MTRF1L: variants seen among roughly 807,000 people sequenced by gnomAD.
MTRF1L encodes the protein mitochondrial translation release factor 1 like, also known as peptide chain release factor 1-like, mitochondrial.
In MTRF1L, 29 loss-of-function variants were observed where a neutral mutation model predicts 40.0. That is an observed-to-expected ratio of 0.73 (90% CI 0.54 to 0.99). The LOEUF is 0.99. MTRF1L is among the 50% of genes least tolerant of loss of function. The pLI is 0.00. For missense variants in MTRF1L, 412 were observed against 464.5 expected (o/e 0.89, Z 1.04); for synonymous variants, 150 against 175.8 (o/e 0.85, Z 1.16).
intron 2 of MTRF1L, among the ~76,000 whole-genome samples, chr6:152,995,562 T>A (rs566117899): frequency 2.0e-5 from 3 of 152,164 alleles, no homozygotes; most frequent in Non-Finnish European, 4.4e-5. Flanking sequence ...CAGGCTTGTT[T>A]TATTGTCTGT....
At chr6:152,992,498 A>G (rs187806004) in intron 5 of MTRF1L, among the ~76,000 whole-genome samples, 21 of 152,258 alleles carry the variant, frequency 1.4e-4, no homozygotes, top group African/African-American at 5.1e-4. Flanking sequence ...TCCCCTGCAA[A>G]AAGGCTCAGA....
chr6:152,991,976 T>C (rs573799901), intron 5 of MTRF1L, among the ~76,000 whole-genome samples: 5 of 152,334 alleles, frequency 3.3e-5, no homozygotes, highest in Admixed American at 6.5e-5. Flanking sequence ...GAAACTACGA[T>C]ACATGAAAAA....
chr6:152,994,761 T>C (rs758867897), intron 3 of MTRF1L, 85 bp from the exon 4 acceptor site: 11 of 1,521,974 alleles, frequency 7.2e-6, no homozygotes, highest in Non-Finnish European at 1.0e-5. Flanking sequence ...TCTTGAGGTA[T>C]ATTTTTAAAG....
chr6:152,989,791 T>G lies in MTRF1L; in HGVS notation c.*104A>C. 2.3e-6 allele frequency: 3 copies of G among 1,328,868 alleles called. No individual in the cohort carries two copies. Among genetic ancestry groups the G allele is most frequent in the South Asian group, 1.6e-5 (1 of 64,370 alleles). 82.3% of individuals were successfully genotyped at this position (1,328,868 alleles called of 1,614,324 possible). On this transcript the variant is annotated 3_prime_UTR_variant, in exon 7 of 7. Coordinates refer to ENST00000367233, the MANE Select transcript of MTRF1L (RefSeq NM_019041.7). ...TCAGAATATGCATATTACCTCCAAC[T>G]GTGTTAACTCAACGTTTTTCAAGAG...
chr6:152,994,228 A>T (rs1778628860), intron 4 of MTRF1L, among the ~76,000 whole-genome samples: 1 of 152,244 alleles, frequency 6.6e-6, no homozygotes, highest in Non-Finnish European at 1.5e-5. Flanking sequence ...TATAAAGGCA[A>T]CCAGTCCATA....
chr6:152,994,750 A>G, intron 3 of MTRF1L, 74 bp from the exon 4 acceptor site: 2 of 1,539,680 alleles, frequency 1.3e-6, no homozygotes, highest in African/African-American at 2.7e-5. Context: ...CACATCTACT[A>G]TCTTGAGGTA....
chr6:153,002,305 C>T, intron 1 of MTRF1L, 122 bp downstream of exon 1: 1 of 1,459,900 alleles, frequency 6.8e-7, no homozygotes. Context: ...GACCTCTGAT[C>T]CAAAATAAAA....
intron 1 of MTRF1L, among the ~76,000 whole-genome samples, chr6:152,999,867 T>C (rs1778850858): frequency 6.6e-6 from 1 of 152,236 alleles, no homozygotes; most frequent in African/African-American, 2.4e-5. Context: ...AACAGACTAA[T>C]ACACTATGTG....
intron 6 of MTRF1L, chr6:152,990,420 A>G (rs956034723): frequency 2.5e-5 from 6 of 242,190 alleles, no homozygotes; most frequent in African/African-American, 6.8e-5. Context: ...TGCTATTCCT[A>G]TAGTCGCTGA....
Position 152,994,650 on chromosome 6 carries a change from T to C in MTRF1L, c.550A>G (p.Ile184Val), listed in dbSNP as rs370025443. The C allele has an allele frequency of 1.2e-6, 2 of 1,614,112 alleles. No individual in the cohort carries two copies. Among genetic ancestry groups the C allele is most frequent in the East Asian group, 2.2e-5 (1 of 44,874 alleles). The change falls in exon 4 of 7, where the codon ATT becomes GTT. Residue 184 changes from isoleucine to valine, a missense_variant. Coordinates refer to ENST00000367233, the MANE Select transcript of MTRF1L (RefSeq NM_019041.7). ...TGCCTATAGGCTTCTGAACCCCCAATGCTGGCAGATGCATGTCTAAGGCCA... is the reference window on the plus strand; with the variant it reads ...TGCCTATAGGCTTCTGAACCCCCAACGCTGGCAGATGCATGTCTAAGGCCA... ...LGGLRHASAS[I>V]GGSEAYRHMK... is the part of the protein sequence containing the mutation.
intron 2 of MTRF1L, among the ~76,000 whole-genome samples, chr6:152,998,104 T>C (rs931847485): frequency 1.3e-5 from 2 of 151,014 alleles, no homozygotes; most frequent in Non-Finnish European, 2.9e-5. Flanking sequence ...CCACAAACTT[T>C]TGAAGTCCTT....
chr6:152,998,110 T>G (rs985943151), intron 2 of MTRF1L, among the ~76,000 whole-genome samples: 3 of 147,860 alleles, frequency 2.0e-5, no homozygotes, highest in African/African-American at 7.5e-5. Context: ...ACTTTTGAAG[T>G]CCTTTCATAT....
rs1431185981 is a variant in MTRF1L, at chr6:152,992,910, C to T, written c.752G>A (p.Gly251Glu). The change falls in exon 5 of 7, where the codon GGG becomes GAG. Residue 251 changes from glycine to glutamate, a missense_variant. Transcript: ENST00000367233. ...ACTGTCCGTGGTATTTACATGCTGC[C>T]CCCCAGCTCCACTGGCTCGCTTAGT... ...IDTKRASGAG[G>E]QHVNTTDSAV... 2.5e-6 allele frequency: 4 copies of T among 1,612,436 alleles called. No individual in the cohort carries two copies. The highest frequency in any genetic ancestry group is 3.4e-6 in the Non-Finnish European group (4 of 1,179,982).
Position 152,991,393 on chromosome 6 carries a change from T to C in MTRF1L, c.806-72A>G, listed in dbSNP as rs1340368458. 1.6e-5 allele frequency: 23 copies of C among 1,423,018 alleles called. 1 individual carries two copies. The allele number at this position is 1,423,018 out of a possible 1,614,324, so 88.1% of individuals were successfully genotyped here. On this transcript the variant is annotated intron_variant, in intron 5 of 6. Transcript: ENST00000367233. Reference sequence around the variant, plus strand: ...TTTACTTATTATCAAGGAATACTTTTCCTCCTCATCCTTTTTCTTCTTCCT... The same window carrying C: ...TTTACTTATTATCAAGGAATACTTTCCCTCCTCATCCTTTTTCTTCTTCCT...
chr6:153,001,092 C>T (rs1584108171), intron 1 of MTRF1L, among the ~76,000 whole-genome samples: 1 of 152,014 alleles, frequency 6.6e-6, no homozygotes, highest in East Asian at 1.9e-4. Context: ...AGGCTGGTCT[C>T]GAACTCCTGG....
At chr6:152,990,308 A>T (rs1778461652) in intron 6 of MTRF1L, 1 of 708,768 alleles carries the variant, frequency 1.4e-6, no homozygotes, top group Non-Finnish European at 2.2e-6. Flanking sequence ...ATCCTGCCTC[A>T]GCCACTTCAA....
Position 153,002,407 on chromosome 6 carries a change from C to T in MTRF1L, c.259+20G>A, listed in dbSNP as rs766254324. The T allele has an allele frequency of 1.1e-5, 17 of 1,613,806 alleles. No individual in the cohort carries two copies. Among genetic ancestry groups the T allele is most frequent in the African/African-American group, 4.0e-5 (3 of 74,936 alleles). On this transcript the variant is annotated intron_variant, in intron 1 of 6. Transcript: ENST00000367233. ...GTCAAGAATGTGCTCTGACGCCTCT[C>T]CCCCGGGCCCGACCCTTACCGTGCA...
intron 1 of MTRF1L, among the ~76,000 whole-genome samples, chr6:153,001,794 G>A (rs913376019): frequency 1.3e-5 from 2 of 152,162 alleles, no homozygotes; most frequent in Admixed American, 6.5e-5. Context: ...CAGCGTTTCT[G>A]GAGAATACTC....
In MTRF1L at chr6:152,992,854, C is replaced by A; in HGVS notation, c.805+3G>T. ...GTCATATATTGAAGGAATAAGTACA[C>A]ACCTGTTGGAAGATGAACTATCCGG... On this transcript the variant is annotated splice_donor_region_variant and intron_variant, in intron 5 of 6. Transcript: ENST00000367233. 6.2e-7 allele frequency: 1 copy of A among 1,606,966 alleles called. No individual in the cohort carries two copies. Among genetic ancestry groups the A allele is most frequent in the African/African-American group, 1.3e-5 (1 of 74,870 alleles).
Sources: allele counts gnomAD v4.1 joint callset (sites outside exome capture counted in the v4.1 genomes callset), GRCh38; gene constraint gnomAD v4.1.1; transcripts MANE v1.5; gene names NCBI Gene and HGNC (gene_info 2026-07-23, HGNC 2026-07-21).